Variants in OTUD7A observed in about 807,000 individuals in gnomAD.
OTUD7A encodes OTU deubiquitinase 7A.
OTUD7A carries 12 observed loss-of-function variants against 65.7 expected under a neutral mutation model. The observed-to-expected ratio is 0.18, with a 90% CI of 0.12 to 0.30. OTUD7A has a LOEUF of 0.30. Among genes scored for constraint, OTUD7A ranks in the 10% least tolerant of loss-of-function variants. The pLI is 1.00. For synonymous variants in OTUD7A, 641 were observed against 586.3 expected, an observed-to-expected ratio of 1.09 and a Z score of -1.35; for missense variants, 1,148 against 1,304.8, an observed-to-expected ratio of 0.88 and a Z score of 1.85.
intron 1 of OTUD7A, among the ~76,000 whole-genome samples, chr15:31,819,615 G>A (rs1425858472): frequency 6.6e-6 from 1 of 152,032 alleles, no homozygotes; most frequent in Non-Finnish European, 1.5e-5. Context: ...TTGTCTATCT[G>A]TGTAGTCTGT....
chr15:31,619,812 G>A (rs1201965763), intron 3 of OTUD7A, among the ~76,000 whole-genome samples: 1 of 152,162 alleles, frequency 6.6e-6, no homozygotes, highest in East Asian at 1.9e-4. Flanking sequence ...ATGTTGAATA[G>A]GAATGGTGAG....
At chr15:31,860,680 T>C (rs1354863535) in intron 1 of OTUD7A, among the ~76,000 whole-genome samples, 3 of 121,122 alleles carry the variant, frequency 2.5e-5, no homozygotes, top group Non-Finnish European at 3.5e-5. Context: ...TATGTGTGTA[T>C]ATATATATAT....
At chr15:31,717,602 G>C (rs1403421650) in intron 1 of OTUD7A, among the ~76,000 whole-genome samples, 1 of 152,174 alleles carries the variant, frequency 6.6e-6, no homozygotes, top group African/African-American at 2.4e-5. Context: ...AGTATTCCAT[G>C]GTGTATATGT....
intron 1 of OTUD7A, chr15:31,766,339 T>C: frequency 1.3e-6 from 2 of 1,597,432 alleles, no homozygotes; most frequent in Non-Finnish European, 1.7e-6. Context: ...TGAAGCTTTC[T>C]ATGATTTGGT....
At chr15:31,738,908 C>G (rs1894264489) in intron 1 of OTUD7A, among the ~76,000 whole-genome samples, 1 of 152,338 alleles carries the variant, frequency 6.6e-6, no homozygotes, top group East Asian at 1.9e-4. Flanking sequence ...GGGATTCCCA[C>G]ACCATGCCAG....
intron 8 of OTUD7A, among the ~76,000 whole-genome samples, chr15:31,521,352 A>G (rs2041935318): frequency 6.6e-6 from 1 of 152,248 alleles, no homozygotes; most frequent in Non-Finnish European, 1.5e-5. Context: ...GAAGGCTCCT[A>G]CTTGAGAACC....
At chr15:31,604,214 A>G (rs1890168218) in intron 3 of OTUD7A, among the ~76,000 whole-genome samples, 2 of 152,238 alleles carry the variant, frequency 1.3e-5, no homozygotes, top group South Asian at 4.1e-4. Context: ...CCAATGATAG[A>G]CTGGATAAAG....
chr15:31,760,932 T>TTG (rs1555414623), intron 1 of OTUD7A, among the ~76,000 whole-genome samples: 3 of 152,158 alleles, frequency 2.0e-5, no homozygotes, highest in African/African-American at 7.2e-5. Context: ...TTTTTTGTTT[T>TTG]TTTGTTTTTT....
chr15:31,724,332 T>C (rs926773758), intron 1 of OTUD7A, among the ~76,000 whole-genome samples: 1 of 152,256 alleles, frequency 6.6e-6, no homozygotes, highest in Non-Finnish European at 1.5e-5. Flanking sequence ...TATTCTCTGA[T>C]ATCTCCTTGT....
chr15:31,566,010 G>A (rs1480930406), intron 4 of OTUD7A, among the ~76,000 whole-genome samples: 1 of 152,074 alleles, frequency 6.6e-6, no homozygotes, highest in Non-Finnish European at 1.5e-5. Flanking sequence ...GGCTAACACG[G>A]TGAAACCTTG....
At chr15:31,653,456 T>G (rs533220854) in intron 3 of OTUD7A, among the ~76,000 whole-genome samples, 1 of 151,812 alleles carries the variant, frequency 6.6e-6, no homozygotes, top group Non-Finnish European at 1.5e-5. Flanking sequence ...TACTGACACA[T>G]GACTTGATGA....
At chr15:31,587,173 A>G (rs1187917283) in intron 3 of OTUD7A, among the ~76,000 whole-genome samples, 1 of 152,082 alleles carries the variant, frequency 6.6e-6, no homozygotes, top group African/African-American at 2.4e-5. Context: ...GCTTCACCTT[A>G]AAATATGCAT....
chr15:31,817,381 T>C (rs778621931), intron 1 of OTUD7A, among the ~76,000 whole-genome samples: 6 of 151,578 alleles, frequency 4.0e-5, no homozygotes, highest in Non-Finnish European at 8.8e-5. Context: ...AGGAAGGAGA[T>C]GCCCTTCTGC....
At chr15:31,731,095 T>G (rs1214758685) in intron 1 of OTUD7A, among the ~76,000 whole-genome samples, 1 of 152,252 alleles carries the variant, frequency 6.6e-6, no homozygotes. Context: ...AATGCATTTG[T>G]GGCGTAATCT....
intron 4 of OTUD7A, among the ~76,000 whole-genome samples, chr15:31,567,870 C>A (rs1888926189): frequency 6.6e-6 from 1 of 152,254 alleles, no homozygotes; most frequent in South Asian, 2.1e-4. Flanking sequence ...GCCTTGGTGA[C>A]TTTCACATGG....
At chr15:31,639,407 C>T (rs1345876019) in intron 3 of OTUD7A, among the ~76,000 whole-genome samples, 2 of 149,194 alleles carry the variant, frequency 1.3e-5, no homozygotes, top group Non-Finnish European at 3.0e-5. Context: ...TTTGTTTACC[C>T]GTTTACCTGT....
At chr15:31,545,321 G>A (rs1368947173) in intron 5 of OTUD7A, among the ~76,000 whole-genome samples, 1 of 152,080 alleles carries the variant, frequency 6.6e-6, no homozygotes, top group Non-Finnish European at 1.5e-5. Context: ...ATTTAAGTAT[G>A]AAAGGCAGGA....
At chr15:31,633,970 G>A (rs1244688468) in intron 3 of OTUD7A, among the ~76,000 whole-genome samples, 7 of 152,144 alleles carry the variant, frequency 4.6e-5, no homozygotes, top group African/African-American at 7.2e-5. Flanking sequence ...TCACTCGACC[G>A]ACACACCTGA....
chr15:31,637,527 G>A (rs1891379249), intron 3 of OTUD7A, among the ~76,000 whole-genome samples: 1 of 152,160 alleles, frequency 6.6e-6, no homozygotes, highest in Non-Finnish European at 1.5e-5. Context: ...ACGGATCAAG[G>A]AGCAATTTTG....
Sources: allele counts gnomAD v4.1 joint callset (sites outside exome capture counted in the v4.1 genomes callset), GRCh38; gene constraint gnomAD v4.1.1; transcripts MANE v1.5; gene names NCBI Gene and HGNC (gene_info 2026-07-23, HGNC 2026-07-21).